MACROH2A1: variants seen among roughly 807,000 people sequenced by gnomAD.
MACROH2A1 encodes the protein macroH2A.1 histone.
In MACROH2A1, 2 loss-of-function variants were observed where a neutral mutation model predicts 31.6. The ratio of observed to expected loss-of-function variants is 0.06; its 90% CI spans 0.03 to 0.20. MACROH2A1 has a LOEUF of 0.20. Among genes scored for constraint, MACROH2A1 ranks in the 10% least tolerant of loss-of-function variants. MACROH2A1 has a pLI of 1.00. For synonymous variants in MACROH2A1, 169 were observed against 189.6 expected (o/e 0.89, Z 0.89); for missense variants, 230 against 474.0 (o/e 0.49, Z 4.78).
intron 2 of MACROH2A1, among the ~76,000 whole-genome samples, chr5:135,374,705 T>C (rs918400176): frequency 6.6e-6 from 1 of 152,178 alleles, no homozygotes; most frequent in African/African-American, 2.4e-5. Flanking sequence ...AGAAAAGCGA[T>C]TCTGAGAAAG....
chr5:135,395,305 G>A (rs1246964116), intron 1 of MACROH2A1, among the ~76,000 whole-genome samples: 1 of 152,164 alleles, frequency 6.6e-6, no homozygotes, highest in Non-Finnish European at 1.5e-5. Flanking sequence ...CAATCATGAA[G>A]TATTTTATTA....
chr5:135,345,105 G>A (rs532022519), intron 7 of MACROH2A1: 6 of 152,360 alleles, frequency 3.9e-5, no homozygotes, highest in African/African-American at 1.4e-4. Context: ...CATGCCCCTT[G>A]CAGGTAAAAC....
At chr5:135,380,077 A>G (rs1431994759) in intron 2 of MACROH2A1, among the ~76,000 whole-genome samples, 1 of 152,074 alleles carries the variant, frequency 6.6e-6, no homozygotes, top group African/African-American at 2.4e-5. Context: ...TTTAATTTTC[A>G]TCCTCATCAA....
rs1032810588 is a variant in MACROH2A1 at position 135,369,158 on chromosome 5, C to A, written c.477+248G>T. On this transcript the variant is annotated intron_variant, in intron 4 of 8. Transcript: ENST00000511689. This position sits in a 1 kb window ranked among gnomAD's most constrained non-coding sequence, Gnocchi z 4.3. ...CAGCTTGACACTATCCCTGAAAGCC[C>A]ACCACCCATCCCCCTTGCCTACAGA... Among the ~76,000 whole-genome samples the A allele has an allele frequency of 6.6e-6, 1 of 152,198 alleles. No individual in the cohort carries two copies. Among genetic ancestry groups the A allele is most frequent in the African/African-American group, 2.4e-5 (1 of 41,458 alleles).
intron 4 of MACROH2A1, among the ~76,000 whole-genome samples, chr5:135,363,897 T>G (rs1427213284): frequency 6.6e-6 from 1 of 152,216 alleles, no homozygotes; most frequent in Non-Finnish European, 1.5e-5. Context: ...CTCATTGTGG[T>G]TTTGATTTGC....
chr5:135,335,081 G>A lies in MACROH2A1; in HGVS notation c.1014C>T (p.Phe338=), dbSNP rs568276876. ...TGATGGAAGAGGACATTGTAGACAC[G>A]AAGTAACTGGAGATGGCCTTCAGAA... ...QLILKAISSY[F]VSTMSSSIKT... is the part of the protein sequence containing the mutation. Residue 338 remains phenylalanine (F), a synonymous_variant, in exon 9 of 9, where the codon TTC becomes TTT. Coordinates refer to ENST00000511689, the MANE Select transcript of MACROH2A1 (RefSeq NM_138610.3). 17 of 1,613,120 alleles carry A rather than the reference G, an allele frequency of 1.1e-5. No homozygotes were observed. Among genetic ancestry groups the A allele is most frequent in the Non-Finnish European group, 1.4e-5 (16 of 1,179,056 alleles).
chr5:135,375,088 T>C (rs1764680730), intron 2 of MACROH2A1, among the ~76,000 whole-genome samples: 1 of 152,222 alleles, frequency 6.6e-6, no homozygotes, highest in African/African-American at 2.4e-5. Flanking sequence ...ACAAGTTGAA[T>C]GGTGAGCAAA....
chr5:135,370,030 C>T lies in MACROH2A1; in HGVS notation c.279+6G>A. On this transcript the variant is annotated splice_donor_region_variant and intron_variant, in intron 3 of 8. Transcript: ENST00000511689. The stretch of plus-strand genomic sequence containing the variant: ...AACATCAGTGGGAGATGGGAGAGGC[C>T]CATACCTGATTCAGCTCTTCATCAT... 3.8e-6 allele frequency: 6 copies of T among 1,572,974 alleles called. No homozygotes were observed. Among genetic ancestry groups the T allele is most frequent in the Non-Finnish European group, 5.2e-6 (6 of 1,142,882 alleles).
intron 6 of MACROH2A1, chr5:135,350,813 T>C (rs1220568247): frequency 1.3e-6 from 2 of 1,579,428 alleles, no homozygotes; most frequent in Non-Finnish European, 1.7e-6. Flanking sequence ...AGCACCCGGC[T>C]AGGCATTACC....
At chr5:135,373,912 C>G (rs1764511655) in intron 2 of MACROH2A1, among the ~76,000 whole-genome samples, 1 of 152,172 alleles carries the variant, frequency 6.6e-6, no homozygotes, top group Admixed American at 6.5e-5. Context: ...CTTCTGTTTA[C>G]TCTTGCATTT....
At chr5:135,350,247 CCATGT>C (rs1381726303) in intron 6 of MACROH2A1, among the ~76,000 whole-genome samples, 106 of 152,280 alleles carry the variant, frequency 7.0e-4, no homozygotes, top group African/African-American at 2.5e-3. Flanking sequence ...TCTAAGGATA[CCATGT>C]CAGATTGAGG....
intron 2 of MACROH2A1, among the ~76,000 whole-genome samples, chr5:135,383,582 C>A (rs1447382869): frequency 6.6e-6 from 1 of 152,044 alleles, no homozygotes; most frequent in African/African-American, 2.4e-5. Flanking sequence ...GGCTCCTTTC[C>A]CGTGTGATTA....
intron 6 of MACROH2A1, 77 bp downstream of exon 6, chr5:135,352,869 A>G (rs760608622): frequency 1.2e-5 from 10 of 837,134 alleles, no homozygotes; most frequent in Non-Finnish European, 2.1e-5. Flanking sequence ...AAAGTCTGGG[A>G]AGATGAAATG....
intron 7 of MACROH2A1, chr5:135,343,707 C>G (rs927556886): frequency 2.1e-6 from 1 of 476,622 alleles, no homozygotes; most frequent in Non-Finnish European, 3.8e-6. Flanking sequence ...AAAGCATACA[C>G]GGTTCTCCCA....
chr5:135,370,963 C>G (rs1764104343), intron 2 of MACROH2A1, among the ~76,000 whole-genome samples: 1 of 152,178 alleles, frequency 6.6e-6, no homozygotes, highest in East Asian at 1.9e-4. Flanking sequence ...AGGGGTGAAG[C>G]ATCTTGATGC....
At chr5:135,343,519 C>T in intron 7 of MACROH2A1, 85 bp from the exon 8 acceptor site, 1 of 1,569,360 alleles carries the variant, frequency 6.4e-7, no homozygotes, top group Non-Finnish European at 8.6e-7. Context: ...ACTCCCCTGC[C>T]ACGGTATATC....
chr5:135,339,446 G>C (rs1759397311), intron 8 of MACROH2A1, among the ~76,000 whole-genome samples: 1 of 152,168 alleles, frequency 6.6e-6, no homozygotes, highest in Non-Finnish European at 1.5e-5. Context: ...GCTGGGGCCA[G>C]GCAGGTATGC....
rs1477041258 is a variant in MACROH2A1, at chr5:135,369,156, C to G, written c.477+250G>C. Among the ~76,000 whole-genome samples, 1 of 152,208 alleles carries G rather than the reference C, an allele frequency of 6.6e-6. No homozygotes were observed. The highest frequency in any genetic ancestry group is 2.4e-5 in the African/African-American group (1 of 41,460). ...TCCAGCTTGACACTATCCCTGAAAG[C>G]CCACCACCCATCCCCCTTGCCTACA... On this transcript the variant is annotated intron_variant, in intron 4 of 8. Coordinates refer to ENST00000511689, the MANE Select transcript of MACROH2A1 (RefSeq NM_138610.3). This position sits in a 1 kb window ranked among gnomAD's most constrained non-coding sequence, Gnocchi z 4.3.
At chr5:135,359,932 C>T in intron 5 of MACROH2A1, 1 of 983,566 alleles carries the variant, frequency 1.0e-6, no homozygotes, top group South Asian at 4.7e-5. Flanking sequence ...AAAGTTGCAT[C>T]ACTGGGGCGG....
Sources: gnomAD v4.1 joint callset for allele counts (sites outside exome capture counted in the v4.1 genomes callset) on GRCh38, gnomAD v4.1.1 for gene constraint, Gnocchi (gnomAD v3.1) non-coding constraint, MANE v1.5 for transcripts, NCBI Gene and HGNC (gene_info 2026-07-23, HGNC 2026-07-21) for gene names.